Variants in NTHL1 observed in about 807,000 individuals in gnomAD.
The protein encoded by NTHL1 is nth like DNA glycosylase 1.
A neutral mutation model predicts 32.3 loss-of-function variants in NTHL1; 32 were observed. That is an observed-to-expected ratio of 0.99 (90% CI 0.75 to 1.33). The LOEUF is 1.33. NTHL1 is among the 40% of genes most tolerant of loss of function. The pLI is 0.00. For synonymous variants in NTHL1, 188 were observed against 176.9 expected (o/e 1.06, Z -0.50); for missense variants, 501 against 414.1 (o/e 1.21, Z -1.82).
intron 1 of NTHL1, 132 bp from the exon 2 acceptor site, chr16:2,046,498 C>G: frequency 1.3e-6 from 1 of 788,762 alleles, no homozygotes. Flanking sequence ...ACTTGGGGTG[C>G]TCTGCCCTCT....
chr16:2,040,403 C>G, intron 4 of NTHL1, 165 bp from the exon 5 acceptor site: 1 of 705,956 alleles, frequency 1.4e-6, no homozygotes, highest in East Asian at 2.7e-5. Context: ...TTGGCTGCCC[C>G]TGAGGTGCTG....
At chr16:2,042,760 G>A (rs1007451188) in intron 4 of NTHL1, among the ~76,000 whole-genome samples, 5 of 150,888 alleles carry the variant, frequency 3.3e-5, no homozygotes, top group Middle Eastern at 3.2e-3. Context: ...ATTCAAGGAG[G>A]GCCCTCCCCC....
At position 2,045,391 on chromosome 16, in the gene NTHL1, G is replaced by A. The variant is rs114633787; in HGVS notation, c.355-591C>T. On this transcript the variant is annotated intron_variant, in intron 2 of 5. Transcript: ENST00000651570. ...GCCCATCACTACTGAACAGCCATTG[G>A]CCACTACTATTATGATTGCTTCGTG... is the stretch of plus-strand genomic sequence containing the variant. 6.9e-3 allele frequency among the ~76,000 whole-genome samples: 1,048 copies of A among 152,040 alleles called. 12 individuals carry two copies. Among genetic ancestry groups the A allele is most frequent in the African/African-American group, 0.024 (1,010 of 41,494 alleles).
Position 2,044,581 on chromosome 16 carries a change from T to A in NTHL1, c.525+49A>T. ...CCACCCCCCTCAGCCTTCTGAGGTC[T>A]CTCTCAGGCCACTGCCACCCGGCCC... is the stretch of plus-strand genomic sequence containing the variant. On this transcript the variant is annotated intron_variant, in intron 3 of 5. Transcript: ENST00000651570. This position sits in a 1 kb window ranked among gnomAD's most constrained non-coding sequence, Gnocchi z 5.0. 1 of 1,596,010 alleles carries A rather than the reference T, an allele frequency of 6.3e-7. No homozygotes were observed. Among genetic ancestry groups the A allele is most frequent in the Non-Finnish European group, 8.5e-7 (1 of 1,178,808 alleles).
In NTHL1 at chr16:2,046,213, T is replaced by A. The variant is rs1442043769; in HGVS notation, c.269A>T (p.Asn90Ile). ...EPQDWQQQLV[N>I]IRAMRNKKDA... is the part of the protein sequence containing the mutation. ...CTTTTTGTTCCTCATGGCACGGATG[T>A]TGACCAGCTGTTGCTGCCAGTCCTG... The change falls in exon 2 of 6, where the codon AAC becomes ATC. Residue 90 changes from asparagine to isoleucine, a missense_variant. Physicochemically the swap from Asn to Ile is moderately radical, Grantham distance 149 (BLOSUM62 -3). Transcript: ENST00000651570. The A allele has an allele frequency of 3.1e-6, 5 of 1,613,120 alleles. No individual in the cohort carries two copies. Among genetic ancestry groups the A allele is most frequent in the Non-Finnish European group, 4.2e-6 (5 of 1,180,012 alleles).
chr16:2,045,262 C>T (rs1413574327), intron 2 of NTHL1, among the ~76,000 whole-genome samples: 1 of 151,856 alleles, frequency 6.6e-6, no homozygotes, highest in African/African-American at 2.4e-5. Flanking sequence ...ATTTGAACCT[C>T]GGAGGCGAAG....
chr16:2,043,861 C>T lies in NTHL1; in HGVS notation c.526-135G>A. ...GACGTGTGCAAGCTCAGCCCCCGCCCCCCAGGAGGCGGGAACAAGCGGAGG... is the reference window on the plus strand; with the variant it reads ...GACGTGTGCAAGCTCAGCCCCCGCCTCCCAGGAGGCGGGAACAAGCGGAGG... On this transcript the variant is annotated intron_variant, in intron 3 of 5. Transcript: ENST00000651570. The surrounding 1 kb of genome is among the most constrained non-coding windows in gnomAD (Gnocchi z 4.4). 2 of 1,051,576 alleles carry T rather than the reference C, an allele frequency of 1.9e-6. No homozygotes were observed. Among genetic ancestry groups the T allele is most frequent in the Non-Finnish European group, 2.8e-6 (2 of 714,054 alleles). The allele number at this position is 1,051,576 out of a possible 1,614,324, so 65.1% of individuals were successfully genotyped here.
At chr16:2,045,546 C>G (rs2084334526) in intron 2 of NTHL1, among the ~76,000 whole-genome samples, 1 of 152,086 alleles carries the variant, frequency 6.6e-6, no homozygotes, top group Non-Finnish European at 1.5e-5. Context: ...AAGCGATTTT[C>G]CTGCCTCGCC....
Position 2,044,967 on chromosome 16 carries a change from A to G in NTHL1, c.355-167T>C, listed in dbSNP as rs1460941253. ...AGGTCTGGTTTGGGTATGTTTGGTC[A>G]TCTACAACACCAGGACAATAATAGT... On this transcript the variant is annotated intron_variant, in intron 2 of 5. Transcript: ENST00000651570. The surrounding 1 kb of genome is among the most constrained non-coding windows in gnomAD (Gnocchi z 5.0). The G allele has an allele frequency of 9.1e-6, 6 of 656,000 alleles. No homozygotes were observed. The highest frequency in any genetic ancestry group is 1.5e-5 in the Non-Finnish European group (6 of 388,208). 40.6% of individuals were successfully genotyped at this position (656,000 alleles called of 1,614,324 possible).
chr16:2,040,298 T>C (rs886221421), intron 4 of NTHL1, 60 bp from the exon 5 acceptor site: 5 of 1,511,794 alleles, frequency 3.3e-6, no homozygotes, highest in African/African-American at 1.4e-5. Flanking sequence ...CCCGTGCCCC[T>C]CCCCGCCCAG....
Position 2,044,514 on chromosome 16 carries a change from C to A in NTHL1, c.525+116G>T. 1.4e-6 allele frequency: 2 copies of A among 1,401,128 alleles called. No homozygotes were observed. The highest frequency in any genetic ancestry group is 2.0e-6 in the Non-Finnish European group (2 of 1,009,358). 86.8% of individuals were successfully genotyped at this position (1,401,128 alleles called of 1,614,324 possible). ...GCCTGGGGGGGGCTTCAGGGGGACC[C>A]CCCGAGCCTGAGATGCTTGACCCTC... On this transcript the variant is annotated intron_variant, in intron 3 of 5. Coordinates refer to ENST00000651570, the MANE Select transcript of NTHL1 (RefSeq NM_002528.7). The surrounding 1 kb of genome is among the most constrained non-coding windows in gnomAD (Gnocchi z 5.0).
intron 4 of NTHL1, among the ~76,000 whole-genome samples, chr16:2,042,648 G>T (rs2150940324): frequency 6.6e-6 from 1 of 152,218 alleles, no homozygotes; most frequent in Admixed American, 6.5e-5. Flanking sequence ...TCTGGACAAA[G>T]CCGAGGAGGA....
chr16:2,042,184 GC>G (rs921725186), intron 4 of NTHL1: 7 of 440,858 alleles, frequency 1.6e-5, no homozygotes, highest in African/African-American at 1.4e-4. Context: ...TGTCTCTTGT[GC>G]CCGCTGCTCC....
intron 4 of NTHL1, chr16:2,042,130 G>T (rs1266807150): frequency 4.4e-6 from 2 of 455,496 alleles, no homozygotes; most frequent in South Asian, 1.5e-5. Context: ...CTTGCAGGTG[G>T]TCAGGCCCAC....
At position 2,043,627 on chromosome 16, in the gene NTHL1, C is replaced by T. The variant is rs780658029; in HGVS notation, c.625G>A (p.Val209Ile). 14 of 1,610,910 alleles carry T rather than the reference C, an allele frequency of 8.7e-6. No homozygotes were observed. In the East Asian group the frequency reaches 2.2e-4, roughly 26 times the overall value. Residue 209 changes from valine to isoleucine, a missense_variant, in exon 4 of 6, where the codon GTT (valine) becomes ATT (isoleucine). Coordinates refer to ENST00000651570, the MANE Select transcript of NTHL1 (RefSeq NM_002528.7). This position sits in a 1 kb window ranked among gnomAD's most constrained non-coding sequence, Gnocchi z 4.4. ...GCCAGGTGTGCCATCTTGGGCCCAA[C>T]ACCCGGCAGCGCCACCAGCTCGGCC... is the stretch of plus-strand genomic sequence containing the variant. ...SVAELVALPG[V>I]GPKMAHLAMA...
intron 2 of NTHL1, among the ~76,000 whole-genome samples, chr16:2,045,429 A>G (rs956687282): frequency 2.0e-5 from 3 of 151,326 alleles, no homozygotes; most frequent in Non-Finnish European, 4.4e-5. Flanking sequence ...TCATCACACT[A>G]CCCTTTAAAA....
rs1596222395 is a variant in NTHL1, at chr16:2,046,117, C to T, written c.354+11G>A. 6.2e-7 allele frequency: 1 copy of T among 1,608,820 alleles called. No individual in the cohort carries two copies. Among genetic ancestry groups the T allele is most frequent in the Non-Finnish European group, 8.5e-7 (1 of 1,176,378 alleles). On this transcript the variant is annotated intron_variant, in intron 2 of 5. Transcript: ENST00000651570. ...TGGGGGGTCATCTGGGCAGATGGGGCCCCTGCCTACCTTTGGGGGGGCACT... is the reference window on the plus strand; with the variant it reads ...TGGGGGGTCATCTGGGCAGATGGGGTCCCTGCCTACCTTTGGGGGGGCACT...
chr16:2,046,414 T>G (rs759501046), intron 1 of NTHL1, 48 bp from the exon 2 acceptor site: 1 of 1,563,004 alleles, frequency 6.4e-7, no homozygotes, highest in Admixed American at 1.7e-5. Flanking sequence ...CAGGTGAAGG[T>G]AGGGTAGGGG....
intron 4 of NTHL1, chr16:2,041,975 ACTC>A: frequency 8.9e-6 from 4 of 448,856 alleles, no homozygotes; most frequent in Middle Eastern, 6.8e-4. Flanking sequence ...CTGATCTTGA[ACTC>A]CTGACCTCAG....
Sources: allele counts gnomAD v4.1 joint callset (sites outside exome capture counted in the v4.1 genomes callset), GRCh38; gene constraint gnomAD v4.1.1; non-coding constraint Gnocchi (gnomAD v3.1); transcripts MANE v1.5; gene names NCBI Gene and HGNC (gene_info 2026-07-23, HGNC 2026-07-21).